RBFOX1: variants seen among roughly 807,000 people sequenced by gnomAD.
The protein encoded by RBFOX1 is RNA binding fox-1 homolog 1.
A neutral mutation model predicts 57.7 loss-of-function variants in RBFOX1; 8 were observed. The ratio of observed to expected loss-of-function variants is 0.14; its 90% CI spans 0.08 to 0.25. The LOEUF is 0.25. RBFOX1 is among the 10% of genes least tolerant of loss of function. RBFOX1 has a pLI of 1.00. For missense variants in RBFOX1, 611 were observed against 548.5 expected, an observed-to-expected ratio of 1.11 and a Z score of -1.14; for synonymous variants, 326 against 222.4, an observed-to-expected ratio of 1.47 and a Z score of -4.15.
chr16:7,543,344 T>C (rs1326600348), intron 5 of RBFOX1, among the ~76,000 whole-genome samples: 1 of 152,160 alleles, frequency 6.6e-6, no homozygotes, highest in East Asian at 1.9e-4. Context: ...CTGGGAGATA[T>C]TTGAGATCTG....
intron 4 of RBFOX1, among the ~76,000 whole-genome samples, chr16:5,999,399 A>T (rs994996919): frequency 1.3e-5 from 2 of 152,228 alleles, no homozygotes; most frequent in Non-Finnish European, 2.9e-5. Context: ...CCCCCATTGA[A>T]ACCTTTCATA....
intron 3 of RBFOX1, among the ~76,000 whole-genome samples, chr16:6,754,012 C>T (rs1015528583): frequency 1.3e-5 from 2 of 152,100 alleles, no homozygotes; most frequent in Admixed American, 1.3e-4. Context: ...TCTTCTGGTA[C>T]CCAACTCTTG....
chr16:5,542,456 A>G (rs1002154982), intron 2 of RBFOX1, among the ~76,000 whole-genome samples: 1 of 148,478 alleles, frequency 6.7e-6, no homozygotes, highest in African/African-American at 2.5e-5. Context: ...ATGGGGTTTC[A>G]CCATATTGAC....
chr16:5,391,907 A>G (rs959082866), intron 1 of RBFOX1, among the ~76,000 whole-genome samples: 21 of 151,482 alleles, frequency 1.4e-4, no homozygotes, highest in Admixed American at 9.9e-4. Flanking sequence ...ACACACACAC[A>G]CGCACACACA....
rs563042715 is a variant in RBFOX1, at chr16:7,203,697, A to G, written c.27+151599A>G. On this transcript the variant is annotated intron_variant, in intron 4 of 15. Coordinates refer to ENST00000550418, the MANE Select transcript of RBFOX1 (RefSeq NM_018723.4). ...TGAGCCCTAGTCCACATTTTGGTTA[A>G]TACATGGTCTCTTCCATTTCTCTGT... Among the ~76,000 whole-genome samples the G allele has an allele frequency of 3.4e-4, 51 of 152,222 alleles. No individual in the cohort carries two copies. In the South Asian group the frequency reaches 9.5e-3, roughly 28 times the overall value.
chr16:5,863,268 G>C (rs1044299867), intron 3 of RBFOX1, among the ~76,000 whole-genome samples: 2 of 152,220 alleles, frequency 1.3e-5, no homozygotes, highest in Non-Finnish European at 2.9e-5. Context: ...ATGGGAAATA[G>C]CTGGAACAAA....
At chr16:6,090,429 C>A in intron 1 of RBFOX1, among the ~76,000 whole-genome samples, 1 of 152,160 alleles carries the variant, frequency 6.6e-6, no homozygotes, top group East Asian at 1.9e-4. Context: ...TAGCAGCAAG[C>A]AGTCTTTTAG....
At chr16:6,682,633 C>T (rs936215338) in intron 3 of RBFOX1, among the ~76,000 whole-genome samples, 1 of 151,892 alleles carries the variant, frequency 6.6e-6, no homozygotes, top group Admixed American at 6.6e-5. Context: ...GTCGAGAGAG[C>T]TTTTCCTTCT....
chr16:5,717,510 C>G (rs1014163028), intron 3 of RBFOX1, among the ~76,000 whole-genome samples: 5 of 152,172 alleles, frequency 3.3e-5, no homozygotes, highest in Admixed American at 3.3e-4. Context: ...CCCCTCCCAC[C>G]CTTCACCCTT....
At chr16:7,672,136 A>G (rs2071662710) in intron 13 of RBFOX1, among the ~76,000 whole-genome samples, 1 of 152,192 alleles carries the variant, frequency 6.6e-6, no homozygotes, top group African/African-American at 2.4e-5. Context: ...CTGATCAGAA[A>G]TTTATTTCAA....
rs562832384 is a variant in RBFOX1, at chr16:5,493,447, G to A, written c.258+26193G>A. Among the ~76,000 whole-genome samples, 6 of 152,272 alleles carry A rather than the reference G, an allele frequency of 3.9e-5. No homozygotes were observed. In the East Asian group the frequency reaches 7.7e-4, roughly 20 times the overall value. On this transcript the variant is annotated intron_variant, in intron 2 of 2. Transcript: ENST00000585867. ...AAAAGGCCTACCTGAGATCTAAGGT[G>A]TAATGAGTTGGAAATAGAAAGAATT... is the stretch of plus-strand genomic sequence containing the variant.
intron 4 of RBFOX1, among the ~76,000 whole-genome samples, chr16:7,291,859 C>T (rs998060024): frequency 2.7e-5 from 4 of 146,408 alleles, no homozygotes; most frequent in Non-Finnish European, 4.5e-5. Flanking sequence ...AGTATCATAG[C>T]CATTACTATA....
At chr16:6,117,292 AAT>A (rs2096507096) in intron 1 of RBFOX1, among the ~76,000 whole-genome samples, 1 of 152,216 alleles carries the variant, frequency 6.6e-6, no homozygotes, top group East Asian at 1.9e-4. Context: ...TACAAAAAAA[AAT>A]ATGCATGACA....
chr16:6,749,637 G>A (rs1392542172), intron 3 of RBFOX1, among the ~76,000 whole-genome samples: 4 of 152,012 alleles, frequency 2.6e-5, no homozygotes, highest in African/African-American at 9.7e-5. Context: ...TCATCTCCTG[G>A]AGTGTCTCTC....
chr16:6,675,997 G>A (rs565302807), intron 3 of RBFOX1, among the ~76,000 whole-genome samples: 5 of 152,198 alleles, frequency 3.3e-5, no homozygotes, highest in Admixed American at 6.5e-5. Context: ...AAGGGCGATG[G>A]GAGAGGAGAG....
intron 3 of RBFOX1, among the ~76,000 whole-genome samples, chr16:5,676,280 C>T (rs888062058): frequency 1.3e-5 from 2 of 152,032 alleles, no homozygotes; most frequent in Admixed American, 6.5e-5. Flanking sequence ...GAAAACATCA[C>T]ACCTTTTTAC....
chr16:5,938,344 A>C (rs1567168484), intron 4 of RBFOX1, among the ~76,000 whole-genome samples: 1 of 152,172 alleles, frequency 6.6e-6, no homozygotes, highest in Non-Finnish European at 1.5e-5. Flanking sequence ...ATCGTTGCTG[A>C]TGGAATTTCA....
intron 3 of RBFOX1, among the ~76,000 whole-genome samples, chr16:6,945,958 C>T (rs1035569144): frequency 6.6e-6 from 1 of 152,228 alleles, no homozygotes; most frequent in Non-Finnish European, 1.5e-5. Context: ...TCAAGGCATT[C>T]TGCCTCAATT....
At chr16:7,664,320 C>G (rs568352958) in intron 12 of RBFOX1, among the ~76,000 whole-genome samples, 4 of 152,294 alleles carry the variant, frequency 2.6e-5, no homozygotes, top group Non-Finnish European at 5.9e-5. Flanking sequence ...TGTACCCATG[C>G]TCACCCACAT....
Sources: gnomAD v4.1 joint callset for allele counts (sites outside exome capture counted in the v4.1 genomes callset) on GRCh38, gnomAD v4.1.1 for gene constraint, MANE v1.5 for transcripts, NCBI Gene and HGNC (gene_info 2026-07-23, HGNC 2026-07-21) for gene names.